RSRC1: variants seen among roughly 807,000 people sequenced by gnomAD.
RSRC1 encodes the protein serine/Arginine-related protein 53.
Under a neutral mutation model 49.1 loss-of-function variants are expected in RSRC1, and 39 were observed. The observed-to-expected ratio is 0.79, with a 90% CI of 0.61 to 1.04. RSRC1 has a LOEUF of 1.04. Among genes scored for constraint, RSRC1 ranks in the 50% least tolerant of loss-of-function variants. The probability of loss-of-function intolerance (pLI) is 0.00; values close to 1 mark genes in which losing one functional copy is unlikely to be tolerated. For missense variants in RSRC1, 388 were observed against 402.4 expected (o/e 0.96, Z 0.31); for synonymous variants, 143 against 130.8 (o/e 1.09, Z -0.63).
At chr3:158,203,049 T>G (rs779073951) in intron 3 of RSRC1, 23 bp from the exon 4 acceptor site, 4 of 1,577,318 alleles carry the variant, frequency 2.5e-6, no homozygotes, top group Non-Finnish European at 3.5e-6. Context: ...CTAAGTTTAT[T>G]TAACAAAATC....
chr3:158,297,178 A>G (rs978050844), intron 4 of RSRC1, among the ~76,000 whole-genome samples: 3 of 152,174 alleles, frequency 2.0e-5, no homozygotes, highest in East Asian at 1.9e-4. Context: ...GGTACTTACA[A>G]TGGAACTAAA....
At chr3:158,505,250 G>T (rs181015768) in intron 7 of RSRC1, among the ~76,000 whole-genome samples, 2 of 152,000 alleles carry the variant, frequency 1.3e-5, no homozygotes, top group African/African-American at 4.8e-5. Context: ...GTCTTCTGTG[G>T]GATTCATACT....
chr3:158,470,345 CACACACACACACACACAT>C (rs1298085316), intron 7 of RSRC1, among the ~76,000 whole-genome samples: 1 of 118,612 alleles, frequency 8.4e-6, no homozygotes, highest in Non-Finnish European at 1.8e-5. Context: ...CACACACACA[CACACACACACACACACAT>C]ATATATATAT....
At chr3:158,201,890 A>ATTTTTTT in intron 3 of RSRC1, among the ~76,000 whole-genome samples, 1 of 152,088 alleles carries the variant, frequency 6.6e-6, no homozygotes. Flanking sequence ...AGGAATTTTG[A>ATTTTTTT]GTTTTTATCC....
intron 6 of RSRC1, among the ~76,000 whole-genome samples, chr3:158,432,526 A>T (rs1457169042): frequency 6.6e-6 from 1 of 151,850 alleles, no homozygotes; most frequent in Non-Finnish European, 1.5e-5. Context: ...TATGACTAGA[A>T]TGTTAATCTC....
At chr3:158,544,118 A>ATT in intron 9 of RSRC1, 65 bp from the exon 10 acceptor site, 1 of 1,124,956 alleles carries the variant, frequency 8.9e-7, no homozygotes, top group Non-Finnish European at 1.3e-6. Context: ...GAGTTCTGTC[A>ATT]TTTTAGGTCA....
At chr3:158,306,561 A>G in intron 5 of RSRC1, among the ~76,000 whole-genome samples, 1 of 152,020 alleles carries the variant, frequency 6.6e-6, no homozygotes, top group East Asian at 1.9e-4. Context: ...GAATAGGCTT[A>G]TGATAAATTT....
chr3:158,428,557 A>G (rs1316935537), intron 6 of RSRC1, among the ~76,000 whole-genome samples: 2 of 151,880 alleles, frequency 1.3e-5, no homozygotes, highest in Non-Finnish European at 2.9e-5. Context: ...TAAATCATTC[A>G]TTGAATCAGT....
intron 4 of RSRC1, among the ~76,000 whole-genome samples, chr3:158,280,376 C>A (rs1395614100): frequency 6.6e-6 from 1 of 152,064 alleles, no homozygotes; most frequent in Admixed American, 6.6e-5. Flanking sequence ...ATTAATTAAA[C>A]TATTAGTAAC....
chr3:158,369,255 T>G (rs994181781), intron 6 of RSRC1, among the ~76,000 whole-genome samples: 1 of 152,122 alleles, frequency 6.6e-6, no homozygotes, highest in African/African-American at 2.4e-5. Context: ...TTAATCTTTT[T>G]TTATTATAAT....
chr3:158,258,803 C>T (rs1356541490), intron 4 of RSRC1, among the ~76,000 whole-genome samples: 2 of 151,966 alleles, frequency 1.3e-5, no homozygotes, highest in Non-Finnish European at 2.9e-5. Context: ...CTCAGTAGTT[C>T]TTTCTTCTGC....
intron 5 of RSRC1, among the ~76,000 whole-genome samples, chr3:158,298,654 A>C (rs1727368826): frequency 6.6e-6 from 1 of 152,134 alleles, no homozygotes. Context: ...TTGATCAAAA[A>C]ATTGGAAAAC....
At chr3:158,126,194 G>A (rs1288791710) in intron 3 of RSRC1, among the ~76,000 whole-genome samples, 1 of 151,984 alleles carries the variant, frequency 6.6e-6, no homozygotes, top group Non-Finnish European at 1.5e-5. Flanking sequence ...TTTTGTTTGG[G>A]GAGTTTAATC....
chr3:158,516,254 G>A (rs911544870), intron 7 of RSRC1, among the ~76,000 whole-genome samples: 4 of 151,812 alleles, frequency 2.6e-5, no homozygotes, highest in Non-Finnish European at 1.5e-5. Context: ...TTTGATGATG[G>A]TGATGTACAG....
At chr3:158,456,540 C>G (rs925795213) in intron 6 of RSRC1, among the ~76,000 whole-genome samples, 1 of 152,138 alleles carries the variant, frequency 6.6e-6, no homozygotes, top group African/African-American at 2.4e-5. Context: ...GAATAAAGTG[C>G]TGTACATCCC....
chr3:158,286,722 A>T (rs1338031213), intron 4 of RSRC1, among the ~76,000 whole-genome samples: 1 of 152,282 alleles, frequency 6.6e-6, no homozygotes, highest in Non-Finnish European at 1.5e-5. Flanking sequence ...ATAGGAGAAC[A>T]GAAGTTAAAC....
chr3:158,340,536 G>A (rs370663529), intron 5 of RSRC1, among the ~76,000 whole-genome samples: 35 of 152,002 alleles, frequency 2.3e-4, no homozygotes, highest in South Asian at 8.3e-4. Context: ...GCAAGAGTCC[G>A]TCTCAAAAAA....
At chr3:158,516,942 G>A (rs900547570) in intron 7 of RSRC1, among the ~76,000 whole-genome samples, 9 of 152,316 alleles carry the variant, frequency 5.9e-5, no homozygotes, top group East Asian at 1.9e-4. Flanking sequence ...GCAGTGCCTC[G>A]CCCTGCTTTG....
At chr3:158,139,417 A>T (rs1046345443) in intron 3 of RSRC1, among the ~76,000 whole-genome samples, 81 of 151,286 alleles carry the variant, frequency 5.4e-4, no homozygotes, top group Middle Eastern at 3.2e-3. Context: ...AAAAAAAAAA[A>T]TTTTATTTTA....
Sources: allele counts gnomAD v4.1 joint callset (sites outside exome capture counted in the v4.1 genomes callset), GRCh38; gene constraint gnomAD v4.1.1; transcripts MANE v1.5; gene names NCBI Gene and HGNC (gene_info 2026-07-23, HGNC 2026-07-21).